The following SLC35F3 variants were observed in gnomAD, a reference collection of about 807,000 sequenced individuals.
The protein encoded by SLC35F3 is solute carrier family 35 member F3, also known as putative thiamine transporter SLC35F3.
SLC35F3 carries 25 observed loss-of-function variants against 49.9 expected under a neutral mutation model. That is an observed-to-expected ratio of 0.50 (90% confidence interval 0.37 to 0.70). The LOEUF (loss-of-function observed/expected upper bound fraction) is 0.70, where lower values mean the gene tolerates loss of function less well. Ranked by LOEUF, SLC35F3 falls within the 30% of genes least tolerant of loss-of-function variation. The probability of loss-of-function intolerance (pLI) is 0.00; values close to 1 mark genes in which losing one functional copy is unlikely to be tolerated. For synonymous variants in SLC35F3, 275 were observed against 265.4 expected, an observed-to-expected ratio of 1.04 and a Z score of -0.35; for missense variants, 525 against 639.8, an observed-to-expected ratio of 0.82 and a Z score of 1.94.
chr1:234,277,515 C>G (rs1668231487), intron 3 of SLC35F3, among the ~76,000 whole-genome samples: 1 of 152,202 alleles, frequency 6.6e-6, no homozygotes, highest in Non-Finnish European at 1.5e-5. Flanking sequence ...GGTAGAAAAA[C>G]GTTTTCTACA....
At chr1:233,966,299 C>A (rs1375461653) in intron 2 of SLC35F3, among the ~76,000 whole-genome samples, 1 of 152,144 alleles carries the variant, frequency 6.6e-6, no homozygotes, top group Non-Finnish European at 1.5e-5. Flanking sequence ...AATGGGGTTA[C>A]CCTAATCAGA....
intron 2 of SLC35F3, among the ~76,000 whole-genome samples, chr1:233,998,092 A>G (rs895346513): frequency 6.6e-6 from 1 of 152,130 alleles, no homozygotes; most frequent in Non-Finnish European, 1.5e-5. Context: ...AAACGAAAGC[A>G]TTATAGATGG....
chr1:234,002,315 G>T (rs996767243), intron 2 of SLC35F3, among the ~76,000 whole-genome samples: 7 of 152,006 alleles, frequency 4.6e-5, no homozygotes, highest in Non-Finnish European at 8.8e-5. Flanking sequence ...TTTCCCTAAG[G>T]TCCTTTTTCT....
At chr1:234,213,531 T>C (rs1250077545) in intron 2 of SLC35F3, 1 of 152,292 alleles carries the variant, frequency 6.6e-6, no homozygotes. Context: ...ACTCAGGGAT[T>C]GTGCTGGCAA....
intron 3 of SLC35F3, among the ~76,000 whole-genome samples, chr1:234,273,265 C>T (rs574740810): frequency 6.6e-6 from 1 of 152,224 alleles, no homozygotes; most frequent in Non-Finnish European, 1.5e-5. Context: ...ATCCCTTATA[C>T]AGGCTGTTGC....
intron 2 of SLC35F3, among the ~76,000 whole-genome samples, chr1:233,964,855 C>A (rs1381676810): frequency 6.6e-6 from 1 of 152,198 alleles, no homozygotes; most frequent in African/African-American, 2.4e-5. Context: ...ATGTTACCAA[C>A]TGCTGTGATT....
At chr1:234,108,130 T>C (rs900766526) in intron 2 of SLC35F3, among the ~76,000 whole-genome samples, 4 of 148,684 alleles carry the variant, frequency 2.7e-5, no homozygotes, top group African/African-American at 9.9e-5. Context: ...CCATTAAAAA[T>C]ATAGTGACCA....
intron 2 of SLC35F3, among the ~76,000 whole-genome samples, chr1:234,075,024 G>C (rs1425209045): frequency 6.6e-6 from 1 of 152,152 alleles, no homozygotes; most frequent in African/African-American, 2.4e-5. Flanking sequence ...GAGGACTTAG[G>C]AATCAAGGAG....
intron 4 of SLC35F3, 135 bp from the exon 5 acceptor site, chr1:234,316,467 G>A: frequency 8.2e-7 from 1 of 1,220,158 alleles, no homozygotes; most frequent in Non-Finnish European, 1.1e-6. Context: ...GCTCTCCCAA[G>A]GAGGAACAAA....
intron 3 of SLC35F3, among the ~76,000 whole-genome samples, chr1:234,278,428 T>C (rs1275213238): frequency 4.7e-5 from 7 of 148,808 alleles, no homozygotes; most frequent in Non-Finnish European, 5.9e-5. Flanking sequence ...AGGCAGAGAT[T>C]GCAGTAAGCC....
chr1:234,139,622 G>A (rs937978193), intron 2 of SLC35F3, among the ~76,000 whole-genome samples: 7 of 152,024 alleles, frequency 4.6e-5, no homozygotes, highest in Non-Finnish European at 8.8e-5. Context: ...GGTCAAGTGC[G>A]GTCAGACAAT....
At chr1:234,081,785 T>A (rs1301581368) in intron 2 of SLC35F3, among the ~76,000 whole-genome samples, 3 of 151,782 alleles carry the variant, frequency 2.0e-5, no homozygotes, top group Non-Finnish European at 2.9e-5. Context: ...TTGCCCAGGC[T>A]GGAGTGCAGT....
rs1375424801 is a variant in SLC35F3, at chr1:234,074,327, A to G, written c.284-157090A>G. The stretch of plus-strand genomic sequence containing the variant: ...CTTTTGACTTCATCATCAGTTAACA[A>G]TGATTGAACACTGGGCACTTCTAAA... On this transcript the variant is annotated intron_variant, in intron 2 of 7. Coordinates refer to ENST00000366618, the MANE Select transcript of SLC35F3 (RefSeq NM_173508.4). Among the ~76,000 whole-genome samples the G allele has an allele frequency of 2.0e-5, 3 of 152,198 alleles. 1 individual carries two copies. The highest frequency in any genetic ancestry group is 4.4e-5 in the Non-Finnish European group (3 of 68,042).
intron 3 of SLC35F3, among the ~76,000 whole-genome samples, chr1:234,305,630 A>C (rs1657149310): frequency 6.6e-6 from 1 of 152,038 alleles, no homozygotes; most frequent in African/African-American, 2.4e-5. Flanking sequence ...TGATCCACCC[A>C]CCTTGGCCTC....
chr1:234,015,492 A>G (rs921593908), intron 2 of SLC35F3, among the ~76,000 whole-genome samples: 1 of 152,212 alleles, frequency 6.6e-6, no homozygotes, highest in Non-Finnish European at 1.5e-5. Context: ...TAGAGAGCTC[A>G]GAAATGAACC....
chr1:234,040,475 CCT>C (rs1341990206), intron 2 of SLC35F3, among the ~76,000 whole-genome samples: 2 of 152,312 alleles, frequency 1.3e-5, no homozygotes, highest in Non-Finnish European at 2.9e-5. Flanking sequence ...GGGACCCGCC[CCT>C]GTCTGCCTAG....
At chr1:234,218,343 T>C (rs1025502459) in intron 2 of SLC35F3, among the ~76,000 whole-genome samples, 5 of 152,178 alleles carry the variant, frequency 3.3e-5, no homozygotes, top group African/African-American at 9.7e-5. Context: ...GCTTTGGAAT[T>C]AGATGGACTG....
At chr1:234,321,075 C>T (rs1189208876) in intron 7 of SLC35F3, among the ~76,000 whole-genome samples, 1 of 147,066 alleles carries the variant, frequency 6.8e-6, no homozygotes, top group African/African-American at 2.5e-5. Flanking sequence ...AACCCTTATC[C>T]TGTTCAATGT....
chr1:234,044,950 C>A (rs757280196), intron 2 of SLC35F3, among the ~76,000 whole-genome samples: 32 of 152,170 alleles, frequency 2.1e-4, no homozygotes, highest in Non-Finnish European at 3.8e-4. Context: ...ATTTGCAATT[C>A]TTTATATATT....
Sources: gnomAD v4.1 joint callset for allele counts (sites outside exome capture counted in the v4.1 genomes callset) on GRCh38, gnomAD v4.1.1 for gene constraint, MANE v1.5 for transcripts, NCBI Gene and HGNC (gene_info 2026-07-23, HGNC 2026-07-21) for gene names.